Variants in GMPR2 observed in about 807,000 individuals in gnomAD.
GMPR2 encodes GMP reductase 2.
A neutral mutation model predicts 38.5 loss-of-function variants in GMPR2; 32 were observed. The ratio of observed to expected loss-of-function variants is 0.83; its 90% CI spans 0.63 to 1.12. The LOEUF is 1.12. Ranked by LOEUF, GMPR2 falls within the 50% of genes most tolerant of loss-of-function variation. The pLI is 0.00. For missense variants in GMPR2, 396 were observed against 432.1 expected, an observed-to-expected ratio of 0.92 and a Z score of 0.74; for synonymous variants, 154 against 151.0, an observed-to-expected ratio of 1.02 and a Z score of -0.15.
intron 8 of GMPR2, 103 bp downstream of exon 8, chr14:24,237,665 TCTTTC>T: frequency 9.6e-7 from 1 of 1,037,272 alleles, no homozygotes; most frequent in Non-Finnish European, 1.5e-6. Context: ...TCATTCAGAT[TCTTTC>T]ATAATATGAA....
chr14:24,238,722 A>G lies in GMPR2; in HGVS notation c.991A>G (p.Thr331Ala), dbSNP rs1364477321. Residue 331 changes from threonine (T) to alanine (A), a missense_variant, in exon 10 of 10, where the codon ACT (threonine) becomes GCT (alanine). By Grantham distance (58) the Thr-to-Ala change is moderately conservative. Transcript: ENST00000399440. ...TAAGCTCAAAGAGTTGAGCAGGAGA[A>G]CTACCTTCATCCGAGTCACCCAGCA... ...AAKLKELSRR[T>A]TFIRVTQQVN... The G allele has an allele frequency of 6.2e-7, 1 of 1,614,006 alleles. No individual in the cohort carries two copies. The highest frequency in any genetic ancestry group is 8.5e-7 in the Non-Finnish European group (1 of 1,179,944).
Position 24,237,536 on chromosome 14 carries a change from G to C in GMPR2, c.671G>C (p.Cys224Ser), listed in dbSNP as rs199685468. The part of the protein sequence containing the change: ...GHIISDGGCS[C>S]PGDVAKAFGA... ...ACTTTGCAGGATGGAGGTTGCAGCTGTCCTGGGGATGTGGCCAAGGCTTTT... is the reference window on the plus strand; with the variant it reads ...ACTTTGCAGGATGGAGGTTGCAGCTCTCCTGGGGATGTGGCCAAGGCTTTT... The change falls in exon 8 of 10, where the codon TGT becomes TCT. Residue 224 changes from cysteine (C) to serine (S), a missense_variant. Coordinates refer to ENST00000399440, the MANE Select transcript of GMPR2 (RefSeq NM_001002002.3). The C allele has an allele frequency of 1.2e-5, 19 of 1,614,064 alleles. No individual in the cohort carries two copies. In the South Asian group the frequency reaches 2.1e-4, roughly 18 times the overall value.
intron 5 of GMPR2, 45 bp from the exon 6 acceptor site, chr14:24,237,024 CCT>C: frequency 7.3e-7 from 1 of 1,376,650 alleles, no homozygotes; most frequent in Non-Finnish European, 1.0e-6. Flanking sequence ...TACATGACCT[CCT>C]GTTTCTGGCC....
In GMPR2 at chr14:24,233,293, G is replaced by A. The variant is rs544505867; in HGVS notation, c.40G>A (p.Asp14Asn). ...CAACGATGTGAAACTGGACTTCAAG[G>A]ATGTCCTTTTGAGGCCCAAACGCAG... ...IDNDVKLDFK[D>N]VLLRPKRSTL... The change falls in exon 2 of 10, where the codon GAT becomes AAT. Residue 14 changes from aspartate to asparagine, a missense_variant. Transcript: ENST00000399440. 5.0e-6 allele frequency: 8 copies of A among 1,614,122 alleles called. No homozygotes were observed. Among genetic ancestry groups the A allele is most frequent in the Non-Finnish European group, 6.8e-6 (8 of 1,180,018 alleles).
chr14:24,237,417 G>T, intron 7 of GMPR2, 66 bp downstream of exon 7: 1 of 1,487,396 alleles, frequency 6.7e-7, no homozygotes, highest in East Asian at 2.3e-5. Context: ...GGCAGAGATG[G>T]ATTAGAATTC....
In GMPR2 at chr14:24,233,201, T is replaced by C. The variant is rs547758964; in HGVS notation, c.-35-18T>C. On this transcript the variant is annotated intron_variant, in intron 1 of 9. Coordinates refer to ENST00000399440, the MANE Select transcript of GMPR2 (RefSeq NM_001002002.3). ...AAGCCCAGGGGAAGATTGGTCCTTATGACTTCCTGCCTTCCAGCCCTCAGA... is the reference window on the plus strand; with the variant it reads ...AAGCCCAGGGGAAGATTGGTCCTTACGACTTCCTGCCTTCCAGCCCTCAGA... 4.3e-6 allele frequency: 7 copies of C among 1,613,024 alleles called. No homozygotes were observed. Among genetic ancestry groups the C allele is most frequent in the African/African-American group, 2.7e-5 (2 of 75,020 alleles).
At chr14:24,234,997 T>C (rs1005751167) in intron 3 of GMPR2, among the ~76,000 whole-genome samples, 10 of 152,256 alleles carry the variant, frequency 6.6e-5, no homozygotes, top group African/African-American at 1.7e-4. Flanking sequence ...TCTGTTTGCA[T>C]GTAGACATGT....
rs2040396128 is a variant in GMPR2 at position 24,237,360 on chromosome 14, C to T, written c.654+9C>T. 6.4e-7 allele frequency: 1 copy of T among 1,565,684 alleles called. No individual in the cohort carries two copies. The highest frequency in any genetic ancestry group is 8.8e-7 in the Non-Finnish European group (1 of 1,136,060). On this transcript the variant is annotated intron_variant, in intron 7 of 9. Transcript: ENST00000399440. ...AAGGCCACATCATTTCAGTAAGGCT[C>T]AAGGGCAGGGTAGGGTATGAGCGGG...
intron 3 of GMPR2, chr14:24,235,322 C>A: frequency 5.5e-6 from 1 of 181,122 alleles, no homozygotes; most frequent in Non-Finnish European, 1.2e-5. Context: ...GAGAACATAA[C>A]CAAAAATAGT....
At position 24,236,086 on chromosome 14, in the gene GMPR2, C is replaced by T; in HGVS notation, c.411C>T (p.His137=). Reference sequence around the variant, plus strand: ...ATGTGGCAAATGGCTACTCTGAACACTTTGTTGAATTTGTAAAAGATGTAC... The same window carrying T: ...ATGTGGCAAATGGCTACTCTGAACATTTTGTTGAATTTGTAAAAGATGTAC... ...CLDVANGYSE[H]FVEFVKDVRK... is the part of the protein sequence containing the mutation. The change falls in exon 5 of 10, where the codon CAC becomes CAT. Residue 137 remains histidine (H), a synonymous_variant. Transcript: ENST00000399440. The T allele has an allele frequency of 1.2e-6, 2 of 1,614,058 alleles. No homozygotes were observed. The highest frequency in any genetic ancestry group is 1.7e-6 in the Non-Finnish European group (2 of 1,179,906).
chr14:24,233,526 C>T lies in GMPR2; in HGVS notation c.135C>T (p.Tyr45=), dbSNP rs1445534545. The T allele has an allele frequency of 6.2e-7, 1 of 1,614,008 alleles. No homozygotes were observed. Among genetic ancestry groups the T allele is most frequent in the Admixed American group, 1.7e-5 (1 of 60,028 alleles). ...SFSFRNSKQT[Y]SGVPIIAANM... ...CATTTCGGAACTCAAAGCAGACATA[C>T]TCTGGGGTTCCCATCATTGCTGCCA... Residue 45 remains tyrosine, a synonymous_variant, in exon 3 of 10, where the codon TAC becomes TAT. Coordinates refer to ENST00000399440, the MANE Select transcript of GMPR2 (RefSeq NM_001002002.3).
At chr14:24,234,400 G>C (rs141855351) in intron 3 of GMPR2, among the ~76,000 whole-genome samples, 1 of 152,290 alleles carries the variant, frequency 6.6e-6, no homozygotes, top group African/African-American at 2.4e-5. Flanking sequence ...GGAATGTCTT[G>C]TCATTTCTTT....
chr14:24,233,172 G>A (rs748089564), intron 1 of GMPR2, 47 bp from the exon 2 acceptor site: 6 of 1,611,464 alleles, frequency 3.7e-6, no homozygotes, highest in Non-Finnish European at 4.2e-6. Flanking sequence ...GTAACAGGGC[G>A]TTAAAGCCCA....
At chr14:24,237,415 TG>T (rs936385747) in intron 7 of GMPR2, 64 bp downstream of exon 7, 1 of 1,481,644 alleles carries the variant, frequency 6.7e-7, no homozygotes, top group Non-Finnish European at 9.4e-7. Flanking sequence ...GTGGCAGAGA[TG>T]GATTAGAATT....
At chr14:24,234,119 G>A in intron 3 of GMPR2, 1 of 1,289,310 alleles carries the variant, frequency 7.8e-7, no homozygotes, top group Non-Finnish European at 1.0e-6. Flanking sequence ...CTAGGTTCCT[G>A]GGAGTTTCTG....
At chr14:24,234,882 C>A (rs909715798) in intron 3 of GMPR2, among the ~76,000 whole-genome samples, 1 of 151,106 alleles carries the variant, frequency 6.6e-6, no homozygotes, top group Admixed American at 6.6e-5. Flanking sequence ...TATTGTTGAT[C>A]TCTGAGTACG....
chr14:24,233,772 G>A (rs781692517), intron 3 of GMPR2, 174 bp downstream of exon 3: 16 of 711,242 alleles, frequency 2.2e-5, no homozygotes, highest in Non-Finnish European at 3.2e-5. Flanking sequence ...AGTTCAAAAG[G>A]CCATCTGAAT....
intron 3 of GMPR2, chr14:24,235,471 G>A: frequency 2.0e-6 from 1 of 500,240 alleles, no homozygotes; most frequent in East Asian, 3.4e-5. Flanking sequence ...GTCAGAAGCA[G>A]TGAATGTGCT....
chr14:24,238,142 G>A lies in GMPR2; in HGVS notation c.698-104G>A, dbSNP rs1189498806. 3.8e-6 allele frequency: 4 copies of A among 1,047,566 alleles called. No homozygotes were observed. The African/African-American group carries it at 4.8e-5, about 12-fold the overall frequency. 64.9% of individuals were successfully genotyped at this position (1,047,566 alleles called of 1,614,324 possible). Reference sequence around the variant, plus strand: ...GGGAAGCAGAAGGAGGAAGACGCTGGAATCATTGTCAGGACTGAGAATATG... The same window carrying A: ...GGGAAGCAGAAGGAGGAAGACGCTGAAATCATTGTCAGGACTGAGAATATG... On this transcript the variant is annotated intron_variant, in intron 8 of 9. Transcript: ENST00000399440.
Sources: gnomAD v4.1 joint callset for allele counts (sites outside exome capture counted in the v4.1 genomes callset) on GRCh38, gnomAD v4.1.1 for gene constraint, MANE v1.5 for transcripts, NCBI Gene and HGNC (gene_info 2026-07-23, HGNC 2026-07-21) for gene names.